The following CCDC160 variants were observed in gnomAD, a reference collection of about 807,000 sequenced individuals.
CCDC160 encodes coiled-coil domain-containing protein 160.
For synonymous variants in CCDC160, 94 were observed against 79.4 expected, an observed-to-expected ratio of 1.18 and a Z score of -0.98; for missense variants, 227 against 215.6, an observed-to-expected ratio of 1.05 and a Z score of -0.33.
At chrX:134,245,802 G>A, downstream of CCDC160, 1 of 1,052,025 alleles carries the variant, frequency 9.5e-7, no homozygotes, top group Non-Finnish European at 1.2e-6. Flanking sequence ...CCTTCCAGTA[G>A]GCAAGTCATT....
exon 2 of CCDC160, chrX:134,244,953 C>T (rs774192405): frequency 4.9e-5 from 59 of 1,197,003 alleles, no homozygotes; most frequent in Middle Eastern, 4.6e-4. Flanking sequence ...ATAATTTGTC[C>T]AGTAGAAAGT....
chrX:134,239,060 C>CA (rs911609141), intron 1 of CCDC160, among the ~76,000 whole-genome samples: 1 of 111,485 alleles, frequency 9.0e-6, no homozygotes, highest in East Asian at 2.8e-4. Context: ...TACCATCCCC[C>CA]AAAACTTTTT....
rs770860288 is a variant in CCDC160 at position 134,239,100 on chromosome X, AT to A, written c.-25+1765del. 3.2e-3 allele frequency among the ~76,000 whole-genome samples: 360 copies of A among 111,935 alleles called. 3 individuals carry two copies. Among genetic ancestry groups the A allele is most frequent in the African/African-American group, 0.011 (330 of 30,820 alleles). Reference sequence around the variant, plus strand: ...CAGAGGAGAAATTATGTCAAAAAAAATTTTTTTTAAACTAAATTAGAATCAA... The same window carrying A: ...CAGAGGAGAAATTATGTCAAAAAAAATTTTTTTAAACTAAATTAGAATCAA... On this transcript the variant is annotated intron_variant, in intron 1 of 1. Coordinates refer to ENST00000370809, the Ensembl canonical transcript of CCDC160.
intron 1 of CCDC160, among the ~76,000 whole-genome samples, chrX:134,237,978 C>G (rs1038743127): frequency 5.4e-5 from 6 of 111,588 alleles, no homozygotes; most frequent in Non-Finnish European, 1.1e-4. Context: ...ACACTTTGGC[C>G]CATATATTAG....
chrX:134,238,701 T>C (rs987252483), intron 1 of CCDC160, 49 bp from the exon 2 acceptor site: 5 of 111,494 alleles, frequency 4.5e-5, no homozygotes, highest in African/African-American at 1.6e-4. Flanking sequence ...ACATCTCAGA[T>C]ATAAACACGG....
intron 1 of CCDC160, among the ~76,000 whole-genome samples, chrX:134,241,511 T>C (rs34779005): frequency 0.084 from 9,371 of 111,666 alleles, 391 homozygotes; most frequent in East Asian, 0.2. Context: ...CCATTATTAA[T>C]TCATGTCAGA....
At chrX:134,242,101 G>T (rs1483611239) in intron 1 of CCDC160, among the ~76,000 whole-genome samples, 1 of 106,437 alleles carries the variant, frequency 9.4e-6, no homozygotes. Flanking sequence ...AAAGAGAGAA[G>T]AAAAAAAAAA....
At chrX:134,245,167 G>T (rs754370719) in exon 2 of CCDC160, 9 of 1,198,446 alleles carry the variant, frequency 7.5e-6, no homozygotes, top group South Asian at 1.8e-5. Context: ...CTGCAGTACA[G>T]ATAACTTACC....
At chrX:134,237,269 G>A (rs894025104) in exon 1 of CCDC160, 2 of 113,388 alleles carry the variant, frequency 1.8e-5, no homozygotes, top group African/African-American at 3.2e-5. Context: ...CCGAACGGGG[G>A]GCTGCCGCGC....
chrX:134,246,080 A>C, downstream of CCDC160: 7 of 148,793 alleles, frequency 4.7e-5, no homozygotes, highest in East Asian at 1.5e-4. Flanking sequence ...GATTCACCAA[A>C]TCATTTATGA....
At position 134,245,594 on chromosome X, in the gene CCDC160, C is replaced by A. The variant is rs780273247; in HGVS notation, c.794C>A (p.Ser265Ter). 8.3e-7 allele frequency: 1 copy of A among 1,205,442 alleles called. No homozygotes were observed. The change falls in exon 2 of 2, where the codon TCA becomes TAA. Residue 265 changes from serine (S) to a stop codon, truncating the protein, a stop_gained. Coordinates refer to ENST00000370809, the Ensembl canonical transcript of CCDC160. LOFTEE classifies it low-confidence loss of function (END_TRUNC). Reference sequence around the variant, plus strand: ...GTGCTCCTAAAAGAAGAAATGAAATCATATTATGAATTAGAAATGGCAAAG... The same window carrying A: ...GTGCTCCTAAAAGAAGAAATGAAATAATATTATGAATTAGAAATGGCAAAG...
rs777335471 is a variant in CCDC160 at position 134,244,658 on chromosome X, G to A, written c.-24-119G>A. 8 of 665,789 alleles carry A rather than the reference G, an allele frequency of 1.2e-5. No individual in the cohort carries two copies. The South Asian group carries it at 3.6e-4, about 30-fold the overall frequency. The allele number at this position is 665,789 out of a possible 1,213,427, so 54.9% of individuals were successfully genotyped here. On this transcript the variant is annotated intron_variant, in intron 1 of 1. Transcript: ENST00000370809. ...CAAGCCATTCAGTGAGTTAGAGAGAGAGCCAGCCCTCAAATGTTTAGATTC... is the reference window on the plus strand; with the variant it reads ...CAAGCCATTCAGTGAGTTAGAGAGAAAGCCAGCCCTCAAATGTTTAGATTC...
exon 2 of CCDC160, chrX:134,245,058 T>C: frequency 8.5e-7 from 1 of 1,182,785 alleles, no homozygotes; most frequent in Non-Finnish European, 1.1e-6. Flanking sequence ...AGAGAAACAT[T>C]TCAAAGAATG....
chrX:134,246,499 T>C (rs1489485740), downstream of CCDC160, among the ~76,000 whole-genome samples: 1 of 111,285 alleles, frequency 9.0e-6, no homozygotes, highest in Admixed American at 9.6e-5. Context: ...GGGCATTGTT[T>C]ACACAGTTCT....
intron 1 of CCDC160, chrX:134,243,342 A>G (rs1012435533): frequency 4.3e-5 from 32 of 749,365 alleles, no homozygotes; most frequent in Non-Finnish European, 5.0e-5. Flanking sequence ...GCCAGTAGGG[A>G]TGTACTCTTG....
chrX:134,239,230 A>G (rs775277961), intron 1 of CCDC160, among the ~76,000 whole-genome samples: 2 of 112,126 alleles, frequency 1.8e-5, no homozygotes, highest in South Asian at 7.4e-4. Flanking sequence ...ATCATAGCAT[A>G]TTTGTATAAT....
chrX:134,244,970 A>C (rs200697293), exon 2 of CCDC160: 1 of 1,190,786 alleles, frequency 8.4e-7, no homozygotes, highest in Non-Finnish European at 1.1e-6. Flanking sequence ...AAGTTTCAGG[A>C]AGAAAGTAAA....
intron 1 of CCDC160, among the ~76,000 whole-genome samples, chrX:134,239,248 T>C (rs1322260895): frequency 1.8e-5 from 2 of 112,054 alleles, no homozygotes; most frequent in African/African-American, 6.5e-5. Context: ...AATAAAGGTC[T>C]GTGTGAAATG....
chrX:134,243,602 T>C (rs1044019659), intron 1 of CCDC160, among the ~76,000 whole-genome samples: 2 of 112,381 alleles, frequency 1.8e-5, no homozygotes, highest in Non-Finnish European at 3.8e-5. Context: ...AAAATTGTTA[T>C]AATAATCAAA....
Sources: allele counts gnomAD v4.1 joint callset (sites outside exome capture counted in the v4.1 genomes callset), GRCh38; gene constraint gnomAD v4.1.1; transcripts MANE v1.5; gene names NCBI Gene and HGNC (gene_info 2026-07-23, HGNC 2026-07-21).